MMP16: variants seen among roughly 807,000 people sequenced by gnomAD.
MMP16 encodes the protein matrix metalloproteinase-16.
MMP16 carries 12 observed loss-of-function variants against 67.8 expected under a neutral mutation model. The observed-to-expected ratio is 0.18, with a 90% CI of 0.11 to 0.29. The LOEUF (loss-of-function observed/expected upper bound fraction) is 0.29, where lower values mean the gene tolerates loss of function less well. Ranked by LOEUF, MMP16 falls within the 10% of genes least tolerant of loss-of-function variation. The pLI is 1.00. For synonymous variants in MMP16, 249 were observed against 255.9 expected (o/e 0.97, Z 0.26); for missense variants, 475 against 765.7 (o/e 0.62, Z 4.48).
chr8:88,107,930 G>A (rs1186194524), intron 6 of MMP16, among the ~76,000 whole-genome samples: 1 of 151,044 alleles, frequency 6.6e-6, no homozygotes, highest in African/African-American at 2.4e-5. Flanking sequence ...TTTCTCATAT[G>A]ATGTCAAATA....
chr8:88,283,035 TTTTCATTATC>T (rs1810766365), intron 1 of MMP16, among the ~76,000 whole-genome samples: 1 of 152,174 alleles, frequency 6.6e-6, no homozygotes, highest in Non-Finnish European at 1.5e-5. Context: ...AAGGGCATTT[TTTTCATTATC>T]TTTCATTACT....
chr8:88,171,692 T>G (rs775446493), intron 3 of MMP16, among the ~76,000 whole-genome samples: 22 of 152,174 alleles, frequency 1.4e-4, no homozygotes, highest in Non-Finnish European at 2.6e-4. Flanking sequence ...TTAAAAGGAC[T>G]GTTCAAAATG....
chr8:88,124,828 G>A (rs1274198360), intron 4 of MMP16, among the ~76,000 whole-genome samples: 1 of 151,924 alleles, frequency 6.6e-6, no homozygotes, highest in Non-Finnish European at 1.5e-5. Context: ...GCATGGTCAG[G>A]TTCTGGCGAG....
At chr8:88,312,972 T>C (rs1050914763) in intron 1 of MMP16, among the ~76,000 whole-genome samples, 3 of 149,514 alleles carry the variant, frequency 2.0e-5, no homozygotes, top group African/African-American at 7.5e-5. Flanking sequence ...CAAATCTCTG[T>C]CTCAAAAACA....
At chr8:88,143,110 C>T (rs1360262504) in intron 4 of MMP16, among the ~76,000 whole-genome samples, 1 of 152,020 alleles carries the variant, frequency 6.6e-6, no homozygotes, top group East Asian at 1.9e-4. Context: ...CTGCATCAGA[C>T]TGCATTGTCT....
At chr8:88,319,649 A>C (rs1159965065) in intron 1 of MMP16, among the ~76,000 whole-genome samples, 1 of 152,188 alleles carries the variant, frequency 6.6e-6, no homozygotes, top group African/African-American at 2.4e-5. Flanking sequence ...GTCTGACTCC[A>C]TCAGCCGCAT....
intron 1 of MMP16, among the ~76,000 whole-genome samples, chr8:88,322,003 A>G (rs1811467358): frequency 6.6e-6 from 1 of 152,110 alleles, no homozygotes; most frequent in Admixed American, 6.5e-5. Flanking sequence ...AAAACACTTT[A>G]ATTTCTTTTT....
chr8:88,202,060 T>C (rs1209867606), intron 1 of MMP16, among the ~76,000 whole-genome samples: 3 of 152,154 alleles, frequency 2.0e-5, no homozygotes, highest in African/African-American at 4.8e-5. Flanking sequence ...TTTTTCTTCA[T>C]TCAAAAACCT....
At chr8:88,176,925 C>CA (rs887060361) in intron 3 of MMP16, among the ~76,000 whole-genome samples, 3 of 151,974 alleles carry the variant, frequency 2.0e-5, no homozygotes, top group Admixed American at 6.6e-5. Context: ...TTAAATTATA[C>CA]AAAAAAAGTC....
chr8:88,112,240 C>G (rs980968372), intron 6 of MMP16, among the ~76,000 whole-genome samples: 3 of 148,556 alleles, frequency 2.0e-5, no homozygotes, highest in African/African-American at 7.4e-5. Flanking sequence ...TACAATTTTT[C>G]CTATTTCCAG....
rs535429890 is a variant in MMP16 at position 88,323,433 on chromosome 8, C to T, written c.132+3642G>A. Reference sequence around the variant, plus strand: ...ATTTAGGAAATAGTTATACTCAATTCATATTTGTCATAAAAGACCCCTTTG... The same window carrying T: ...ATTTAGGAAATAGTTATACTCAATTTATATTTGTCATAAAAGACCCCTTTG... On this transcript the variant is annotated intron_variant, in intron 1 of 9. Coordinates refer to ENST00000286614, the MANE Select transcript of MMP16 (RefSeq NM_005941.5). Among the ~76,000 whole-genome samples the T allele has an allele frequency of 2.0e-5, 3 of 152,200 alleles. No homozygotes were observed. The East Asian group carries it at 5.8e-4, about 29-fold the overall frequency.
intron 7 of MMP16, among the ~76,000 whole-genome samples, chr8:88,071,705 G>A (rs1347037577): frequency 2.6e-5 from 4 of 152,054 alleles, no homozygotes; most frequent in Admixed American, 6.6e-5. Context: ...TGGTTCATTC[G>A]ATCAATCTTT....
intron 1 of MMP16, among the ~76,000 whole-genome samples, chr8:88,316,473 T>C (rs913691559): frequency 1.3e-5 from 2 of 152,154 alleles, no homozygotes; most frequent in African/African-American, 4.8e-5. Context: ...TTATGCTAAA[T>C]CTACCCTGCT....
chr8:88,048,208 T>C (rs944624616), intron 8 of MMP16, among the ~76,000 whole-genome samples: 2 of 152,116 alleles, frequency 1.3e-5, no homozygotes, highest in African/African-American at 4.8e-5. Context: ...GTATAGACAT[T>C]AGGGCTGGTC....
At chr8:88,302,369 C>G (rs1428515388) in intron 1 of MMP16, among the ~76,000 whole-genome samples, 1 of 152,178 alleles carries the variant, frequency 6.6e-6, no homozygotes, top group East Asian at 1.9e-4. Flanking sequence ...TGCCTCTCAG[C>G]TCTTTGTTTT....
At chr8:88,071,340 C>G (rs1374958440) in intron 7 of MMP16, among the ~76,000 whole-genome samples, 2 of 151,874 alleles carry the variant, frequency 1.3e-5, no homozygotes, top group Admixed American at 6.6e-5. Context: ...AGGTTAATAC[C>G]TTTAGGTATA....
chr8:88,142,674 A>G (rs1281052622), intron 4 of MMP16, among the ~76,000 whole-genome samples: 4 of 152,166 alleles, frequency 2.6e-5, no homozygotes, highest in Non-Finnish European at 2.9e-5. Flanking sequence ...TTGGCACTGT[A>G]GTTACCAGGA....
rs142483158 is a variant in MMP16 at position 88,323,128 on chromosome 8, G to T, written c.132+3947C>A. Among the ~76,000 whole-genome samples the T allele has an allele frequency of 1.1e-4, 17 of 152,228 alleles. No individual in the cohort carries two copies. The East Asian group carries it at 3.3e-3, about 29-fold the overall frequency. Reference sequence around the variant, plus strand: ...CAGGAGACAACCTTTACTCAAGAAGGCATGGTACCACCATTCTTCCATGTC... The same window carrying T: ...CAGGAGACAACCTTTACTCAAGAAGTCATGGTACCACCATTCTTCCATGTC... On this transcript the variant is annotated intron_variant, in intron 1 of 9. Transcript: ENST00000286614.
intron 7 of MMP16, among the ~76,000 whole-genome samples, chr8:88,070,480 T>C (rs1395476827): frequency 6.6e-6 from 1 of 152,080 alleles, no homozygotes; most frequent in Non-Finnish European, 1.5e-5. Flanking sequence ...ACTGATTGGT[T>C]CCTTTTCTAG....
Sources: gnomAD v4.1 joint callset for allele counts (sites outside exome capture counted in the v4.1 genomes callset) on GRCh38, gnomAD v4.1.1 for gene constraint, MANE v1.5 for transcripts, NCBI Gene and HGNC (gene_info 2026-07-23, HGNC 2026-07-21) for gene names.